The following PACS1 variants were observed in gnomAD, a reference collection of about 807,000 sequenced individuals.
The protein encoded by PACS1 is PACS-1.
Under a neutral mutation model 115.0 loss-of-function variants are expected in PACS1, and 24 were observed. That is an observed-to-expected ratio of 0.21 (90% CI 0.15 to 0.29). The LOEUF is 0.29. Ranked by LOEUF, PACS1 falls within the 10% of genes least tolerant of loss-of-function variation. PACS1 has a pLI of 1.00. For synonymous variants in PACS1, 453 were observed against 504.5 expected (o/e 0.90, Z 1.37); for missense variants, 838 against 1,251.2 (o/e 0.67, Z 4.98).
At chr11:66,080,091 CTTTA>C (rs1282861738) in intron 1 of PACS1, among the ~76,000 whole-genome samples, 3 of 152,218 alleles carry the variant, frequency 2.0e-5, no homozygotes, top group Non-Finnish European at 2.9e-5. Flanking sequence ...AATCTTGTTC[CTTTA>C]TTTAGTTACT....
At chr11:66,234,650 G>A (rs1014353791) in intron 17 of PACS1, among the ~76,000 whole-genome samples, 1 of 152,164 alleles carries the variant, frequency 6.6e-6, no homozygotes, top group Non-Finnish European at 1.5e-5. Flanking sequence ...TCAAGGGCAC[G>A]GTGGATCACT....
rs543210951 is a variant in PACS1, at chr11:66,070,671, C to T, written c.185C>T (p.Ala62Val). ...ACCTCGTCGTCCTCGTCCACCTCGG[C>T]GGCGGCTGCCTCCTCCTCGTCCTCG... ...QATSSSSSTSAAAASSSSSST... is the reference protein window; with the variant it reads ...QATSSSSSTSVAAASSSSSST... The change falls in exon 1 of 24, where the codon GCG (alanine) becomes GTG (valine). Residue 62 changes from alanine (A) to valine (V), a missense_variant. Coordinates refer to ENST00000320580, the MANE Select transcript of PACS1 (RefSeq NM_018026.4). The surrounding 1 kb of genome is among the most constrained non-coding windows in gnomAD (Gnocchi z 5.9). 3.5e-5 allele frequency: 55 copies of T among 1,571,170 alleles called. No homozygotes were observed. Among genetic ancestry groups the T allele is most frequent in the South Asian group, 1.5e-4 (13 of 87,918 alleles).
At position 66,216,628 on chromosome 11, in the gene PACS1, C is replaced by T. The variant is rs770289515; in HGVS notation, c.897+17C>T. 4 of 1,610,838 alleles carry T rather than the reference C, an allele frequency of 2.5e-6. No homozygotes were observed. In the East Asian group the frequency reaches 6.7e-5, roughly 27 times the overall value. On this transcript the variant is annotated intron_variant, in intron 6 of 23. Coordinates refer to ENST00000320580, the MANE Select transcript of PACS1 (RefSeq NM_018026.4). ...CATGGGCAGGTAACTTTCTGTGGTC[C>T]CTCACATGGCGTGTCCAAGAAGCTC...
chr11:66,221,177 A>G lies in PACS1; in HGVS notation c.1223A>G (p.Gln408Arg), dbSNP rs1268505483. ...AGGCCTTTCTTTGAGGGGATGTCGC[A>G]GTCCAGCTCCCAGACGGAGATTGGC... ...KLKPFFEGMS[Q>R]SSSQTEIGSL... is the part of the protein sequence containing the mutation. Residue 408 changes from glutamine (Q) to arginine (R), a missense_variant, in exon 10 of 24, where the codon CAG becomes CGG. Physicochemically the swap from Gln to Arg is conservative, Grantham distance 43. This residue lies in a region of PACS1 where 383 missense variants were observed against 537.0 expected (regional missense o/e 0.71). Transcript: ENST00000320580. 8 of 1,614,092 alleles carry G rather than the reference A, an allele frequency of 5.0e-6. No homozygotes were observed.
At chr11:66,214,649 T>C (rs574988996) in intron 4 of PACS1, among the ~76,000 whole-genome samples, 44 of 134,562 alleles carry the variant, frequency 3.3e-4, no homozygotes, top group African/African-American at 1.1e-3. Flanking sequence ...TGAGATAGAG[T>C]CTCACTCTGT....
intron 1 of PACS1, among the ~76,000 whole-genome samples, chr11:66,173,496 T>C (rs1453406185): frequency 1.3e-5 from 2 of 151,942 alleles, no homozygotes; most frequent in African/African-American, 4.8e-5. Flanking sequence ...TCACTTGAGC[T>C]CAGGAGTTCG....
At position 66,235,961 on chromosome 11, in the gene PACS1, C is replaced by T. The variant is rs1855695526; in HGVS notation, c.2250+21C>T. 6.2e-7 allele frequency: 1 copy of T among 1,608,552 alleles called. No individual in the cohort carries two copies. Among genetic ancestry groups the T allele is most frequent in the South Asian group, 1.1e-5 (1 of 90,960 alleles). ...TTGGCGTGAGTACTGACTCCCTCTG[C>T]TTGGCACCCCACCCGTTCTCCTGGT... On this transcript the variant is annotated intron_variant, in intron 19 of 23. Transcript: ENST00000320580. This position sits in a 1 kb window ranked among gnomAD's most constrained non-coding sequence, Gnocchi z 5.6.
At chr11:66,079,180 C>G (rs1857440907) in intron 1 of PACS1, among the ~76,000 whole-genome samples, 1 of 152,206 alleles carries the variant, frequency 6.6e-6, no homozygotes, top group Non-Finnish European at 1.5e-5. Context: ...AGCCACCGCC[C>G]AGCCTCTTTT....
At chr11:66,111,107 C>T (rs1276757585) in intron 1 of PACS1, among the ~76,000 whole-genome samples, 1 of 152,202 alleles carries the variant, frequency 6.6e-6, no homozygotes, top group Non-Finnish European at 1.5e-5. Flanking sequence ...CACTACGCAC[C>T]TAGGCTGTGT....
intron 10 of PACS1, among the ~76,000 whole-genome samples, chr11:66,223,976 C>T (rs529407336): frequency 3.2e-4 from 49 of 152,028 alleles, no homozygotes; most frequent in African/African-American, 1.1e-3. Flanking sequence ...GGTGGGTGGA[C>T]CACTTGAGGT....
At chr11:66,173,625 G>A (rs1215119795) in intron 1 of PACS1, among the ~76,000 whole-genome samples, 1 of 151,600 alleles carries the variant, frequency 6.6e-6, no homozygotes, top group Non-Finnish European at 1.5e-5. Context: ...CAGGAGAATC[G>A]CTTGAACCCG....
intron 1 of PACS1, among the ~76,000 whole-genome samples, chr11:66,084,569 T>G (rs1857536997): frequency 7.0e-6 from 1 of 142,864 alleles, no homozygotes; most frequent in African/African-American, 2.6e-5. Flanking sequence ...GATGCTGGCT[T>G]GGACTAGGGT....
chr11:66,132,478 C>G (rs1200212478), intron 1 of PACS1, among the ~76,000 whole-genome samples: 1 of 152,102 alleles, frequency 6.6e-6, no homozygotes, highest in Non-Finnish European at 1.5e-5. Flanking sequence ...TATAGTGACA[C>G]TGTATTTGCA....
chr11:66,101,166 C>T (rs771665272), intron 1 of PACS1, among the ~76,000 whole-genome samples: 6 of 152,170 alleles, frequency 3.9e-5, no homozygotes, highest in South Asian at 2.1e-4. Flanking sequence ...CAGTTGCATT[C>T]GTTCAGTATT....
chr11:66,114,185 G>A (rs201970616), intron 1 of PACS1, among the ~76,000 whole-genome samples: 4 of 151,920 alleles, frequency 2.6e-5, no homozygotes, highest in Non-Finnish European at 5.9e-5. Flanking sequence ...TTGGGAGGCC[G>A]AGGCGGGCGG....
intron 1 of PACS1, among the ~76,000 whole-genome samples, chr11:66,156,963 T>A (rs903197456): frequency 5.9e-5 from 9 of 152,202 alleles, no homozygotes; most frequent in Non-Finnish European, 1.3e-4. Flanking sequence ...AGAACCTCTT[T>A]CTTGTTCAGG....
chr11:66,226,937 C>T (rs1855479916), intron 10 of PACS1, among the ~76,000 whole-genome samples: 1 of 152,106 alleles, frequency 6.6e-6, no homozygotes, highest in Non-Finnish European at 1.5e-5. Context: ...ATGAGAAATG[C>T]TAATAAGAGT....
At chr11:66,110,670 G>A (rs983474144) in intron 1 of PACS1, among the ~76,000 whole-genome samples, 2 of 152,104 alleles carry the variant, frequency 1.3e-5, no homozygotes, top group African/African-American at 4.8e-5. Flanking sequence ...CTGCCTCCTG[G>A]GTTCAAGTGA....
intron 1 of PACS1, among the ~76,000 whole-genome samples, chr11:66,182,639 C>T (rs1365009693): frequency 6.6e-6 from 1 of 152,080 alleles, no homozygotes; most frequent in Non-Finnish European, 1.5e-5. Flanking sequence ...TGCCACCACC[C>T]TGGGCTAGTA....
Sources: allele counts gnomAD v4.1 joint callset (sites outside exome capture counted in the v4.1 genomes callset), GRCh38; gene constraint gnomAD v4.1.1; regional missense constraint gnomAD v4.1.1; non-coding constraint Gnocchi (gnomAD v3.1); transcripts MANE v1.5; gene names NCBI Gene and HGNC (gene_info 2026-07-23, HGNC 2026-07-21).